Variants in DCDC1 observed in about 807,000 individuals in gnomAD.
DCDC1 encodes the protein doublecortin domain-containing protein 1.
In DCDC1, 200 loss-of-function variants were observed where a neutral mutation model predicts 178.3. That is an observed-to-expected ratio of 1.12 (90% CI 1.00 to 1.26). The LOEUF is 1.26. Among genes scored for constraint, DCDC1 ranks in the 50% most tolerant of loss-of-function variants. The pLI, the probability that DCDC1 is intolerant of heterozygous loss-of-function variation, is 0.00. For synonymous variants in DCDC1, 690 were observed against 604.8 expected (o/e 1.14, Z -2.07); for missense variants, 1,983 against 1,749.2 (o/e 1.13, Z -2.38).
At chr11:31,067,513 A>G (rs980393021) in intron 18 of DCDC1, among the ~76,000 whole-genome samples, 1 of 152,190 alleles carries the variant, frequency 6.6e-6, no homozygotes, top group African/African-American at 2.4e-5. Flanking sequence ...TGGACTTTTC[A>G]TACGGCCCAG....
intron 18 of DCDC1, 100 bp downstream of exon 18, chr11:31,077,765 G>A: frequency 1.6e-6 from 1 of 633,026 alleles, no homozygotes; most frequent in Non-Finnish European, 2.8e-6. Flanking sequence ...CATATATGCA[G>A]AAAAAGCATT....
intron 38 of DCDC1, among the ~76,000 whole-genome samples, chr11:30,870,343 T>G (rs993321794): frequency 6.6e-6 from 1 of 152,152 alleles, no homozygotes; most frequent in East Asian, 1.9e-4. Flanking sequence ...TGGATAACAC[T>G]GCTCCATGGG....
At chr11:31,261,173 C>G (rs1944756947) in intron 8 of DCDC1, among the ~76,000 whole-genome samples, 1 of 152,192 alleles carries the variant, frequency 6.6e-6, no homozygotes, top group African/African-American at 2.4e-5. Flanking sequence ...CACTTCACTT[C>G]CATCTGCATT....
Position 30,916,905 on chromosome 11 carries a change from C to A in DCDC1, c.3417G>T (p.Gly1139=), listed in dbSNP as rs1565071156. ...TCTGTGGTTCCACATTTTCAAAGAGCCCTTTTTCCGTTTTCTTTGGAAGAC... is the reference window on the plus strand; with the variant it reads ...TCTGTGGTTCCACATTTTCAAAGAGACCTTTTTCCGTTTTCTTTGGAAGAC... The part of the protein sequence containing the change: ...DDSLPKKTEK[G]LFENVEPQKK... The change falls in exon 26 of 39, where the codon GGG becomes GGT. Residue 1139 remains glycine (G), a synonymous_variant. Transcript: ENST00000684477. The A allele has an allele frequency of 6.2e-7, 1 of 1,607,778 alleles. No individual in the cohort carries two copies. Among genetic ancestry groups the A allele is most frequent in the Admixed American group, 1.7e-5 (1 of 59,072 alleles).
intron 9 of DCDC1, among the ~76,000 whole-genome samples, chr11:31,141,120 T>G (rs1253019074): frequency 6.6e-6 from 1 of 152,180 alleles, no homozygotes; most frequent in Non-Finnish European, 1.5e-5. Flanking sequence ...TCACTCAGAC[T>G]GATGGGTTTT....
At chr11:31,094,809 T>A (rs1380880822) in intron 15 of DCDC1, among the ~76,000 whole-genome samples, 1 of 152,072 alleles carries the variant, frequency 6.6e-6, no homozygotes, top group Non-Finnish European at 1.5e-5. Flanking sequence ...TTTTTATATA[T>A]ATACTTTAAG....
At chr11:31,208,876 G>T (rs1972168900) in intron 9 of DCDC1, among the ~76,000 whole-genome samples, 1 of 152,044 alleles carries the variant, frequency 6.6e-6, no homozygotes, top group South Asian at 2.1e-4. Context: ...CAAACCACTA[G>T]CCATTCTCTG....
At chr11:31,145,923 A>G (rs1020144119) in intron 9 of DCDC1, among the ~76,000 whole-genome samples, 1 of 152,184 alleles carries the variant, frequency 6.6e-6, no homozygotes, top group African/African-American at 2.4e-5. Flanking sequence ...TCAATACATT[A>G]CATCACATGC....
At chr11:31,043,003 C>T (rs1347643635) in intron 20 of DCDC1, among the ~76,000 whole-genome samples, 2 of 152,156 alleles carry the variant, frequency 1.3e-5, no homozygotes, top group Non-Finnish European at 2.9e-5. Context: ...CATCATAGAG[C>T]GTACTCCACA....
intron 6 of DCDC1, among the ~76,000 whole-genome samples, chr11:31,293,562 C>T (rs556307480): frequency 5.3e-5 from 8 of 152,286 alleles, no homozygotes; most frequent in African/African-American, 1.7e-4. Flanking sequence ...CCCAGTGATA[C>T]TTCACTCACC....
chr11:30,900,590 A>G, intron 32 of DCDC1, 92 bp from the exon 33 acceptor site: 1 of 1,224,682 alleles, frequency 8.2e-7, no homozygotes, highest in Non-Finnish European at 1.1e-6. Flanking sequence ...TTTATTATTC[A>G]TTAATAACTT....
chr11:30,980,755 C>G (rs1377853655), intron 20 of DCDC1, among the ~76,000 whole-genome samples: 1 of 152,076 alleles, frequency 6.6e-6, no homozygotes, highest in Non-Finnish European at 1.5e-5. Flanking sequence ...GAGGTTTCCC[C>G]AGAGATTCTG....
intron 9 of DCDC1, among the ~76,000 whole-genome samples, chr11:31,159,891 A>AC (rs1357504270): frequency 1.1e-4 from 16 of 152,228 alleles, no homozygotes; most frequent in Admixed American, 1.3e-4. Context: ...GTTCATTTCC[A>AC]CCAAGTGTCT....
At chr11:31,148,210 TAAAAAAAAA>T (rs55829692) in intron 9 of DCDC1, among the ~76,000 whole-genome samples, 1 of 95,672 alleles carries the variant, frequency 1.0e-5, no homozygotes, top group Admixed American at 1.1e-4. Flanking sequence ...TTTATTATTA[TAAAAAAAAA>T]AAAAAAAAAA....
At chr11:31,025,983 T>C (rs573756788) in intron 20 of DCDC1, among the ~76,000 whole-genome samples, 1 of 151,960 alleles carries the variant, frequency 6.6e-6, no homozygotes, top group Non-Finnish European at 1.5e-5. Flanking sequence ...TAGCTGGATA[T>C]GAACAGCAAG....
At chr11:31,022,686 T>TGTGTGTGTGTGTGG (rs764221163) in intron 20 of DCDC1, among the ~76,000 whole-genome samples, 3 of 146,568 alleles carry the variant, frequency 2.0e-5, no homozygotes, top group African/African-American at 7.6e-5. Flanking sequence ...TGTGTGTGTG[T>TGTGTGTGTGTGTGG]GGTATGTGTT....
At chr11:30,917,643 A>G (rs1945942701) in intron 25 of DCDC1, among the ~76,000 whole-genome samples, 1 of 152,238 alleles carries the variant, frequency 6.6e-6, no homozygotes. Context: ...AAAGGGGATC[A>G]GTAGCCGCCA....
chr11:31,024,095 C>A (rs189403138), intron 20 of DCDC1, among the ~76,000 whole-genome samples: 2 of 151,774 alleles, frequency 1.3e-5, no homozygotes, highest in African/African-American at 4.8e-5. Context: ...GAAATTTTGT[C>A]CATAAAAACA....
chr11:31,112,470 T>C (rs1959194774), intron 11 of DCDC1, among the ~76,000 whole-genome samples: 1 of 152,172 alleles, frequency 6.6e-6, no homozygotes, highest in Non-Finnish European at 1.5e-5. Flanking sequence ...TCAGCTGCTG[T>C]ATTGGCTTCC....
Sources: allele counts gnomAD v4.1 joint callset (sites outside exome capture counted in the v4.1 genomes callset), GRCh38; gene constraint gnomAD v4.1.1; transcripts MANE v1.5; gene names NCBI Gene and HGNC (gene_info 2026-07-23, HGNC 2026-07-21).